The following MARCHF3 variants were observed in gnomAD, a reference collection of about 807,000 sequenced individuals.
MARCHF3 encodes E3 ubiquitin-protein ligase MARCHF3.
A neutral mutation model predicts 24.2 loss-of-function variants in MARCHF3; 13 were observed. The observed-to-expected ratio is 0.54, with a 90% CI of 0.35 to 0.85. The LOEUF is 0.85. Ranked by LOEUF, MARCHF3 falls within the 40% of genes least tolerant of loss-of-function variation. The pLI, the probability that MARCHF3 is intolerant of heterozygous loss-of-function variation, is 0.01. For missense variants in MARCHF3, 276 were observed against 325.0 expected (o/e 0.85, Z 1.16); for synonymous variants, 144 against 137.3 (o/e 1.05, Z -0.34).
intron 1 of MARCHF3, among the ~76,000 whole-genome samples, chr5:127,011,505 T>C (rs1428028019): frequency 1.3e-5 from 2 of 152,224 alleles, no homozygotes; most frequent in Non-Finnish European, 2.9e-5. Flanking sequence ...CTGCTTTTTT[T>C]CCTAGTCTTT....
At chr5:126,911,615 GTAGTGCTCTTGGGTTGAAAC>G (rs1279005352) in intron 3 of MARCHF3, among the ~76,000 whole-genome samples, 1 of 152,226 alleles carries the variant, frequency 6.6e-6, no homozygotes, top group East Asian at 1.9e-4. Context: ...TGATTGCAAT[GTAGTGCTCTTGGGTTGAAAC>G]TAGCTCTTGT....
intron 1 of MARCHF3, among the ~76,000 whole-genome samples, chr5:126,995,380 C>T (rs1471063419): frequency 1.3e-5 from 2 of 152,212 alleles, no homozygotes; most frequent in Admixed American, 1.3e-4. Context: ...GGTTGTTGCA[C>T]ATGTTCCTAT....
chr5:126,939,006 T>C (rs543887062), intron 1 of MARCHF3, among the ~76,000 whole-genome samples: 2 of 152,302 alleles, frequency 1.3e-5, no homozygotes, highest in African/African-American at 2.4e-5. Flanking sequence ...TGTGGATACA[T>C]TGGTCACTAA....
intron 1 of MARCHF3, among the ~76,000 whole-genome samples, chr5:126,984,556 G>A (rs888512698): frequency 6.6e-6 from 1 of 152,208 alleles, no homozygotes; most frequent in African/African-American, 2.4e-5. Context: ...TCCAGGGCGG[G>A]CCCCTGAGAG....
At chr5:127,003,427 C>CAGAGGAGTATACAACCTTGGTAG (rs1271372422) in intron 1 of MARCHF3, among the ~76,000 whole-genome samples, 3 of 144,528 alleles carry the variant, frequency 2.1e-5, no homozygotes, top group Admixed American at 7.1e-5. Flanking sequence ...GAGATCGCGC[C>CAGAGGAGTATACAACCTTGGTAG]ACTGCACTCC....
Position 126,985,471 on chromosome 5 carries a change from A to AT in MARCHF3, c.-57+44878dup, listed in dbSNP as rs1206777153. On this transcript the variant is annotated intron_variant, in intron 1 of 4. Coordinates refer to ENST00000308660, the MANE Select transcript of MARCHF3 (RefSeq NM_178450.5). ...CTTTTTTTAATCTGGATGAACTTTT[A>AT]TTTTTTTTTTTTTTTTGAGACGGAG... is the stretch of plus-strand genomic sequence containing the variant. Among the ~76,000 whole-genome samples the AT allele has an allele frequency of 7.5e-3, 889 of 118,948 alleles. 1 individual carries two copies. The highest frequency in any genetic ancestry group is 1.0e-2 in the Non-Finnish European group (584 of 58,484). 78.0% of individuals were successfully genotyped at this position (118,948 alleles called of 152,430 possible).
At chr5:126,914,540 C>T (rs1448308149) in intron 3 of MARCHF3, 1 of 286,332 alleles carries the variant, frequency 3.5e-6, no homozygotes, top group African/African-American at 2.1e-5. Flanking sequence ...ATATGCAACC[C>T]AAATGCCCAT....
chr5:126,937,180 A>G (rs1164093193), intron 1 of MARCHF3, among the ~76,000 whole-genome samples: 1 of 152,248 alleles, frequency 6.6e-6, no homozygotes, highest in South Asian at 2.1e-4. Context: ...AGTGGTCACC[A>G]CCACCAAGTT....
chr5:127,010,176 G>A (rs1233154016), intron 1 of MARCHF3, among the ~76,000 whole-genome samples: 1 of 152,104 alleles, frequency 6.6e-6, no homozygotes, highest in Non-Finnish European at 1.5e-5. Context: ...AGAAATCTTT[G>A]AAGGTCAAAG....
intron 3 of MARCHF3, among the ~76,000 whole-genome samples, chr5:126,892,966 A>C (rs1186134790): frequency 6.6e-6 from 1 of 151,648 alleles, no homozygotes; most frequent in Non-Finnish European, 1.5e-5. Context: ...ACAATTTCAG[A>C]TCCTGTTATT....
intron 1 of MARCHF3, among the ~76,000 whole-genome samples, chr5:127,017,172 T>C (rs1196076397): frequency 6.6e-6 from 1 of 152,020 alleles, no homozygotes; most frequent in African/African-American, 2.4e-5. Context: ...AAATGATGAG[T>C]TGATGGGTGC....
chr5:126,978,658 C>T (rs939785636), intron 1 of MARCHF3, among the ~76,000 whole-genome samples: 1 of 152,206 alleles, frequency 6.6e-6, no homozygotes, highest in Non-Finnish European at 1.5e-5. Flanking sequence ...ATTCAACATT[C>T]CCCTCACTGC....
chr5:126,956,689 AAAACAAAAAAAC>A (rs1307560033), intron 1 of MARCHF3, among the ~76,000 whole-genome samples: 1 of 151,234 alleles, frequency 6.6e-6, no homozygotes, highest in East Asian at 1.9e-4. Flanking sequence ...AACAACAACA[AAAACAAAAAAAC>A]AAACAATAAC....
chr5:126,900,538 C>G (rs1754070829), intron 3 of MARCHF3, among the ~76,000 whole-genome samples: 1 of 151,990 alleles, frequency 6.6e-6, no homozygotes, highest in Non-Finnish European at 1.5e-5. Context: ...TATGTCGGCA[C>G]CCTGACCTTG....
At chr5:126,903,472 C>T (rs1754174116) in intron 3 of MARCHF3, among the ~76,000 whole-genome samples, 1 of 152,010 alleles carries the variant, frequency 6.6e-6, no homozygotes, top group Non-Finnish European at 1.5e-5. Context: ...GAGTGGTGGT[C>T]CTCATGCCTA....
chr5:126,905,931 A>G (rs551767390), intron 3 of MARCHF3, among the ~76,000 whole-genome samples: 5 of 152,060 alleles, frequency 3.3e-5, no homozygotes, highest in Non-Finnish European at 7.4e-5. Flanking sequence ...CTGCCCATTC[A>G]GTATGATATT....
At chr5:127,003,376 G>C (rs1437750891) in intron 1 of MARCHF3, among the ~76,000 whole-genome samples, 1 of 151,944 alleles carries the variant, frequency 6.6e-6, no homozygotes, top group Non-Finnish European at 1.5e-5. Context: ...GCTGAGGCAG[G>C]AGAAAGGCGT....
intron 1 of MARCHF3, among the ~76,000 whole-genome samples, chr5:127,028,080 T>G (rs977971015): frequency 1.3e-5 from 2 of 152,200 alleles, no homozygotes; most frequent in African/African-American, 4.8e-5. Context: ...GTTTTGCATG[T>G]TTTCCCCAAA....
intron 1 of MARCHF3, among the ~76,000 whole-genome samples, chr5:126,971,176 G>A (rs190478341): frequency 3.5e-4 from 54 of 152,158 alleles, no homozygotes; most frequent in African/African-American, 1.3e-3. Context: ...AGGCTAGGGC[G>A]CGGTGGCACA....
Sources: gnomAD v4.1 joint callset for allele counts (sites outside exome capture counted in the v4.1 genomes callset) on GRCh38, gnomAD v4.1.1 for gene constraint, MANE v1.5 for transcripts, NCBI Gene and HGNC (gene_info 2026-07-23, HGNC 2026-07-21) for gene names.